Variants in TMEM202 observed in about 807,000 individuals in gnomAD.
TMEM202 encodes transmembrane protein 202.
Under a neutral mutation model 26.1 loss-of-function variants are expected in TMEM202, and 25 were observed. The observed-to-expected ratio is 0.96, with a 90% CI of 0.70 to 1.34. The LOEUF (loss-of-function observed/expected upper bound fraction) is 1.34, where lower values mean the gene tolerates loss of function less well. TMEM202 is among the 40% of genes most tolerant of loss of function. The pLI is 0.00. For synonymous variants in TMEM202, 122 were observed against 119.0 expected, an observed-to-expected ratio of 1.02 and a Z score of -0.16; for missense variants, 301 against 327.7, an observed-to-expected ratio of 0.92 and a Z score of 0.63.
chr15:72,399,880 CAT>C (rs1339023357), intron 2 of TMEM202, among the ~76,000 whole-genome samples: 5 of 152,162 alleles, frequency 3.3e-5, no homozygotes, highest in Non-Finnish European at 5.9e-5. Flanking sequence ...TGAAAGAAAA[CAT>C]ATGTGAGTAA....
At chr15:72,401,532 G>C (rs1220038325) in intron 2 of TMEM202, among the ~76,000 whole-genome samples, 2 of 152,100 alleles carry the variant, frequency 1.3e-5, no homozygotes, top group East Asian at 3.8e-4. Context: ...GACACAGTGA[G>C]ACCCTGTCTC....
intron 2 of TMEM202, among the ~76,000 whole-genome samples, chr15:72,400,028 A>G (rs2063540335): frequency 6.6e-6 from 1 of 152,262 alleles, no homozygotes; most frequent in Non-Finnish European, 1.5e-5. Flanking sequence ...ATTAAGGGAC[A>G]GTATCCTGCA....
At chr15:72,400,650 TGTAATCCCAGTGTTACCAGAAAGGG>T (rs1485096038) in intron 2 of TMEM202, among the ~76,000 whole-genome samples, 3 of 152,190 alleles carry the variant, frequency 2.0e-5, no homozygotes, top group African/African-American at 7.2e-5. Context: ...GACTCACGCC[TGTAATCCCAGTGTTACCAGAAAGGG>T]GTCCTGATCC....
chr15:72,399,320 A>AT (rs1044190385), intron 2 of TMEM202, among the ~76,000 whole-genome samples: 9 of 151,602 alleles, frequency 5.9e-5, no homozygotes, highest in Non-Finnish European at 1.2e-4. Flanking sequence ...ATTTTTTTAA[A>AT]TTTTTTTTTC....
At chr15:72,401,990 G>A (rs758257262) in intron 2 of TMEM202, among the ~76,000 whole-genome samples, 7 of 151,804 alleles carry the variant, frequency 4.6e-5, no homozygotes, top group Non-Finnish European at 8.8e-5. Context: ...TTTTGAGATC[G>A]AATCTCATTC....
Position 72,407,825 on chromosome 15 carries a change from C to G in TMEM202, c.754C>G (p.Pro252Ala), listed in dbSNP as rs746899503. Reference sequence around the variant, plus strand: ...AGTATCACCTGCTAAAGATGAAGGGCCAAGGTCTGAGATGGAATCTCTAAG... The same window carrying G: ...AGTATCACCTGCTAAAGATGAAGGGGCAAGGTCTGAGATGGAATCTCTAAG... ...TTVSPAKDEG[P>A]RSEMESLSVR... The change falls in exon 5 of 5, where the codon CCA (proline) becomes GCA (alanine). Residue 252 changes from proline to alanine, a missense_variant. Transcript: ENST00000341689. The G allele has an allele frequency of 5.6e-6, 9 of 1,613,996 alleles. No homozygotes were observed. In the South Asian group the frequency reaches 9.9e-5, roughly 18 times the overall value.
chr15:72,398,882 G>A lies in TMEM202; in HGVS notation c.311G>A (p.Cys104Tyr). 6.2e-7 allele frequency: 1 copy of A among 1,608,944 alleles called. No homozygotes were observed. Among genetic ancestry groups the A allele is most frequent in the Non-Finnish European group, 8.5e-7 (1 of 1,176,104 alleles). The change falls in exon 2 of 5, where the codon TGC (cysteine) becomes TAC (tyrosine). Residue 104 changes from cysteine to tyrosine, a missense_variant. By Grantham distance (194) the Cys-to-Tyr change is radical. Transcript: ENST00000341689. ...GLWTLCNHEL[C>Y]WSHTPKPPYY... is the part of the protein sequence containing the mutation. Reference sequence around the variant, plus strand: ...TGGACCTTATGCAACCATGAGCTGTGCTGGAGCCACACACCCAAGCCACCC... The same window carrying A: ...TGGACCTTATGCAACCATGAGCTGTACTGGAGCCACACACCCAAGCCACCC...
At chr15:72,399,835 G>T (rs1326329975) in intron 2 of TMEM202, among the ~76,000 whole-genome samples, 1 of 152,110 alleles carries the variant, frequency 6.6e-6, no homozygotes, top group Non-Finnish European at 1.5e-5. Context: ...CCCATAACCC[G>T]CAAGATATAC....
rs769423573 is a variant in TMEM202, at chr15:72,407,214, G to T, written c.616G>T (p.Ala206Ser). The T allele has an allele frequency of 5.6e-6, 9 of 1,613,336 alleles. No homozygotes were observed. Among genetic ancestry groups the T allele is most frequent in the Non-Finnish European group, 7.6e-6 (9 of 1,179,638 alleles). The stretch of plus-strand genomic sequence containing the variant: ...GTGCAGTGACATCTTTTACATGTTT[G>T]CTGGTGAGTCACTTCCCTGCTCTAT... Reference protein sequence around the residue: ...NWCSDIFYMFAGIISLLNYLT... With the variant: ...NWCSDIFYMFSGIISLLNYLT... Residue 206 changes from alanine (A) to serine (S), a missense_variant, in exon 4 of 5, where the codon GCT becomes TCT. Ala to Ser is a moderately conservative substitution (Grantham distance 99). Transcript: ENST00000341689.
In TMEM202 at chr15:72,398,775, C is replaced by T; in HGVS notation, c.204C>T (p.Leu68=). The change falls in exon 2 of 5, where the codon CTC becomes CTT. Residue 68 remains leucine, a synonymous_variant. Coordinates refer to ENST00000341689, the MANE Select transcript of TMEM202 (RefSeq NM_001080462.3). ...TLCGSLCSFS[L]LMLIAMSPLN... ...GTGGCAGCCTCTGTAGTTTTAGCCTCCTAATGCTGATCGCCATGTCCCCAC... is the reference window on the plus strand; with the variant it reads ...GTGGCAGCCTCTGTAGTTTTAGCCTTCTAATGCTGATCGCCATGTCCCCAC... 1 of 1,614,168 alleles carries T rather than the reference C, an allele frequency of 6.2e-7. No individual in the cohort carries two copies.
At chr15:72,399,247 C>T in intron 2 of TMEM202, among the ~76,000 whole-genome samples, 1 of 152,240 alleles carries the variant, frequency 6.6e-6, no homozygotes, top group Non-Finnish European at 1.5e-5. Context: ...AAGCAATCTT[C>T]CTGTTCAACC....
intron 4 of TMEM202, 51 bp downstream of exon 4, chr15:72,407,268 C>T: frequency 6.3e-7 from 1 of 1,598,202 alleles, no homozygotes; most frequent in Non-Finnish European, 8.5e-7. Flanking sequence ...GAAATCGCTT[C>T]TGGAAAGGGA....
chr15:72,404,659 C>T (rs553217031), intron 2 of TMEM202, among the ~76,000 whole-genome samples: 1 of 152,188 alleles, frequency 6.6e-6, no homozygotes, highest in African/African-American at 2.4e-5. Context: ...AGGTGATACC[C>T]CGGTCAAACT....
In TMEM202 at chr15:72,407,145, G is replaced by T; in HGVS notation, c.547G>T (p.Asp183Tyr). The change falls in exon 4 of 5, where the codon GAT becomes TAT. Residue 183 changes from aspartate to tyrosine, a missense_variant. Asp to Tyr is a radical substitution (Grantham distance 160). Coordinates refer to ENST00000341689, the MANE Select transcript of TMEM202 (RefSeq NM_001080462.3). ...GGCACAGGTTCACTGGCATACTAGGGATGCCATGGAGTCAGATCTCCTATG... is the reference window on the plus strand; with the variant it reads ...GGCACAGGTTCACTGGCATACTAGGTATGCCATGGAGTCAGATCTCCTATG... Reference protein sequence around the residue: ...FVAQVHWHTRDAMESDLLWTY... With the variant: ...FVAQVHWHTRYAMESDLLWTY... 6 of 1,612,656 alleles carry T rather than the reference G, an allele frequency of 3.7e-6. No homozygotes were observed. The highest frequency in any genetic ancestry group is 5.1e-6 in the Non-Finnish European group (6 of 1,179,116).
chr15:72,407,132 C>A lies in TMEM202; in HGVS notation c.534C>A (p.His178Gln), dbSNP rs2140360245. The change falls in exon 4 of 5, where the codon CAC becomes CAA. Residue 178 changes from histidine (H) to glutamine (Q), a missense_variant. By Grantham distance (24) the His-to-Gln change is conservative. Transcript: ENST00000341689. The stretch of plus-strand genomic sequence containing the variant: ...TCAACCTGTTTGTGGCACAGGTTCA[C>A]TGGCATACTAGGGATGCCATGGAGT... ...LCLNLFVAQV[H>Q]WHTRDAMESD... The A allele has an allele frequency of 6.2e-7, 1 of 1,613,152 alleles. No individual in the cohort carries two copies. Among genetic ancestry groups the A allele is most frequent in the East Asian group, 2.2e-5 (1 of 44,874 alleles).
In TMEM202 at chr15:72,407,929, G is replaced by A. The variant is rs952590595; in HGVS notation, c.*36G>A. The A allele has an allele frequency of 1.3e-6, 2 of 1,567,002 alleles. No homozygotes were observed. Among genetic ancestry groups the A allele is most frequent in the African/African-American group, 2.7e-5 (2 of 73,824 alleles). On this transcript the variant is annotated 3_prime_UTR_variant, in exon 5 of 5. Coordinates refer to ENST00000341689, the MANE Select transcript of TMEM202 (RefSeq NM_001080462.3). Reference sequence around the variant, plus strand: ...TAACTATAGCTTGTCTTAAAAGCAGGGGAGAAGCTGAGTTGGGAATGGTCA... The same window carrying A: ...TAACTATAGCTTGTCTTAAAAGCAGAGGAGAAGCTGAGTTGGGAATGGTCA...
In TMEM202 at chr15:72,408,144, A is replaced by G. The variant is rs2063582632; in HGVS notation, c.*251A>G. ...TTTAGAGTCATGAATGAAAGAAACT[A>G]GTGAAAGATGCAGTGTGTAGACCAG... On this transcript the variant is annotated 3_prime_UTR_variant, in exon 5 of 5. Coordinates refer to ENST00000341689, the MANE Select transcript of TMEM202 (RefSeq NM_001080462.3). 1 of 434,428 alleles carries G rather than the reference A, an allele frequency of 2.3e-6. No homozygotes were observed. Among genetic ancestry groups the G allele is most frequent in the Admixed American group, 3.9e-5 (1 of 25,650 alleles). 26.9% of individuals were successfully genotyped at this position (434,428 alleles called of 1,614,324 possible). A position where few individuals can be genotyped will look rare whatever the true frequency, so the allele number is the denominator to read the frequency against.
chr15:72,401,588 T>C (rs1399565625), intron 2 of TMEM202, among the ~76,000 whole-genome samples: 1 of 152,140 alleles, frequency 6.6e-6, no homozygotes, highest in Non-Finnish European at 1.5e-5. Flanking sequence ...ATTATGTCAC[T>C]TAAAGCAGTG....
chr15:72,406,617 C>T lies in TMEM202; in HGVS notation c.353C>T (p.Ser118Phe). 1.2e-6 allele frequency: 2 copies of T among 1,613,980 alleles called. No individual in the cohort carries two copies. Among genetic ancestry groups the T allele is most frequent in the South Asian group, 1.1e-5 (1 of 91,064 alleles). ...TPKPPYYLQYSRAFFLISVFT... is the reference protein window; with the variant it reads ...TPKPPYYLQYFRAFFLISVFT... Reference sequence around the variant, plus strand: ...CTTCATGCAGATTATCTCCAATATTCCAGGGCCTTCTTTCTCATCTCTGTC... The same window carrying T: ...CTTCATGCAGATTATCTCCAATATTTCAGGGCCTTCTTTCTCATCTCTGTC... Residue 118 changes from serine to phenylalanine, a missense_variant, in exon 3 of 5, where the codon TCC (serine) becomes TTC (phenylalanine). Coordinates refer to ENST00000341689, the MANE Select transcript of TMEM202 (RefSeq NM_001080462.3).
Sources: allele counts gnomAD v4.1 joint callset (sites outside exome capture counted in the v4.1 genomes callset), GRCh38; gene constraint gnomAD v4.1.1; transcripts MANE v1.5; gene names NCBI Gene and HGNC (gene_info 2026-07-23, HGNC 2026-07-21).